Variants in MMS22L observed in about 807,000 individuals in gnomAD.
MMS22L encodes the protein MMS22 like, DNA repair protein.
MMS22L carries 74 observed loss-of-function variants against 159.1 expected under a neutral mutation model. The observed-to-expected ratio is 0.47, with a 90% CI of 0.39 to 0.56. MMS22L has a LOEUF of 0.56. MMS22L is among the 20% of genes least tolerant of loss of function. The probability of loss-of-function intolerance (pLI) is 0.00; values close to 1 mark genes in which losing one functional copy is unlikely to be tolerated. For synonymous variants in MMS22L, 517 were observed against 506.9 expected (o/e 1.02, Z -0.27); for missense variants, 1,351 against 1,422.1 (o/e 0.95, Z 0.80).
intron 10 of MMS22L, among the ~76,000 whole-genome samples, 165 bp from the exon 11 acceptor site, chr6:97,246,855 T>C (rs1812700157): frequency 6.6e-6 from 1 of 152,158 alleles, no homozygotes; most frequent in Non-Finnish European, 1.5e-5. Context: ...TTAACAAACT[T>C]GGCAGAAAAA....
intron 22 of MMS22L, among the ~76,000 whole-genome samples, chr6:97,155,846 C>T (rs966516689): frequency 6.6e-6 from 1 of 152,058 alleles, no homozygotes; most frequent in Non-Finnish European, 1.5e-5. Context: ...TGGGTATATA[C>T]CCAGTAATGA....
intron 14 of MMS22L, among the ~76,000 whole-genome samples, chr6:97,223,468 C>T (rs1028720132): frequency 5.9e-5 from 9 of 151,988 alleles, no homozygotes; most frequent in Non-Finnish European, 1.2e-4. Context: ...AAGGGGGCGG[C>T]GAGCTTATGC....
chr6:97,213,650 A>G (rs1808642210), intron 14 of MMS22L, among the ~76,000 whole-genome samples: 1 of 152,168 alleles, frequency 6.6e-6, no homozygotes, highest in Admixed American at 6.5e-5. Flanking sequence ...ATTCTTTGCA[A>G]GATACATAAA....
Position 97,227,586 on chromosome 6 carries a change from CATAGA to C in MMS22L, c.2039+1303_2039+1307del, listed in dbSNP as rs886834494. ...TATAAAACCCGCCATGAAAACACGG[CATAGA>C]ATAGAGAAAATCAAGCTAGTAATAG... On this transcript the variant is annotated intron_variant, in intron 14 of 24. Transcript: ENST00000683635. Among the ~76,000 whole-genome samples the C allele has an allele frequency of 1.6e-4, 25 of 152,196 alleles. No individual in the cohort carries two copies. The Middle Eastern group carries it at 0.024, about 145-fold the overall frequency.
Position 97,249,615 on chromosome 6 carries a change from A to C in MMS22L, c.1120-2925T>G, listed in dbSNP as rs187743810. 2.0e-5 allele frequency among the ~76,000 whole-genome samples: 3 copies of C among 152,278 alleles called. No individual in the cohort carries two copies. In the East Asian group the frequency reaches 5.8e-4, roughly 29 times the overall value. On this transcript the variant is annotated intron_variant, in intron 10 of 24. Transcript: ENST00000683635. ...ATTTCCCCATTTCACAGAAAACATA[A>C]TTAAGTCTCAGAAAGGTCATGTATG...
At chr6:97,189,338 T>C (rs1052717381) in intron 14 of MMS22L, among the ~76,000 whole-genome samples, 2 of 150,662 alleles carry the variant, frequency 1.3e-5, no homozygotes, top group Admixed American at 6.6e-5. Context: ...GGTGGGTGGA[T>C]TGCCTGAGCT....
At chr6:97,206,855 G>C (rs566022210) in intron 14 of MMS22L, among the ~76,000 whole-genome samples, 2 of 152,154 alleles carry the variant, frequency 1.3e-5, no homozygotes, top group South Asian at 4.1e-4. Flanking sequence ...TAGAATAACA[G>C]TTATCTAAAA....
chr6:97,275,980 G>A (rs114243091), intron 4 of MMS22L, among the ~76,000 whole-genome samples: 2,674 of 152,212 alleles, frequency 0.018, 84 homozygotes, highest in African/African-American at 0.061. Flanking sequence ...CTCCAGCCTG[G>A]GCGATGGAGT....
At chr6:97,195,139 G>A (rs927705406) in intron 14 of MMS22L, among the ~76,000 whole-genome samples, 5 of 152,124 alleles carry the variant, frequency 3.3e-5, no homozygotes, top group African/African-American at 1.2e-4. Flanking sequence ...TTTGAGCAAA[G>A]AACTAAATAA....
chr6:97,156,927 T>C (rs773960531), intron 22 of MMS22L, among the ~76,000 whole-genome samples: 2 of 152,178 alleles, frequency 1.3e-5, no homozygotes, highest in Non-Finnish European at 2.9e-5. Context: ...ATTTTCACGA[T>C]ATTGATTCCT....
In MMS22L at chr6:97,233,114, G is replaced by A. The variant is rs74355845; in HGVS notation, c.1302+747C>T. On this transcript the variant is annotated intron_variant, in intron 12 of 24. Transcript: ENST00000683635. ...AAACACATACCTAAGTCACATCCTCGCTATTTAGTGTCTCCTGAATAAACC... is the reference window on the plus strand; with the variant it reads ...AAACACATACCTAAGTCACATCCTCACTATTTAGTGTCTCCTGAATAAACC... Among the ~76,000 whole-genome samples the A allele has an allele frequency of 7.1e-3, 1,055 of 149,600 alleles. 28 individuals are homozygous for A. In the East Asian group the frequency reaches 0.079, roughly 11 times the overall value.
intron 14 of MMS22L, among the ~76,000 whole-genome samples, chr6:97,195,104 G>A (rs1322198867): frequency 1.3e-5 from 2 of 152,144 alleles, no homozygotes; most frequent in Admixed American, 1.3e-4. Context: ...ACAATGATCA[G>A]GAAACATCTT....
chr6:97,227,178 A>G (rs905803195), intron 14 of MMS22L, among the ~76,000 whole-genome samples: 27 of 22,266 alleles, frequency 1.2e-3, no homozygotes, highest in African/African-American at 2.4e-3. Flanking sequence ...CCTATGAGGA[A>G]AAAAAAAACT....
chr6:97,233,445 A>G (rs1811074899), intron 12 of MMS22L, among the ~76,000 whole-genome samples: 1 of 152,112 alleles, frequency 6.6e-6, no homozygotes, highest in South Asian at 2.1e-4. Context: ...CTGGAGTTCC[A>G]CAATTATAAC....
chr6:97,150,095 T>TG, intron 23 of MMS22L, 75 bp from the exon 24 acceptor site: 1 of 1,141,558 alleles, frequency 8.8e-7, no homozygotes, highest in Non-Finnish European at 1.3e-6. Flanking sequence ...GGCAATCAAC[T>TG]ATGAACTGAA....
chr6:97,210,423 C>A (rs1471979448), intron 14 of MMS22L, among the ~76,000 whole-genome samples: 1 of 151,646 alleles, frequency 6.6e-6, no homozygotes, highest in East Asian at 1.9e-4. Flanking sequence ...AAAATAAATG[C>A]CATAAAAAAC....
chr6:97,156,925 G>A (rs889629764), intron 22 of MMS22L, among the ~76,000 whole-genome samples: 36 of 152,192 alleles, frequency 2.4e-4, no homozygotes, highest in African/African-American at 7.9e-4. Context: ...CCATTTTCAC[G>A]ATATTGATTC....
intron 14 of MMS22L, among the ~76,000 whole-genome samples, chr6:97,194,503 T>C (rs1191240383): frequency 3.3e-5 from 5 of 152,186 alleles, no homozygotes; most frequent in Non-Finnish European, 7.3e-5. Context: ...ACACTTAGAA[T>C]AGATCTGGCA....
chr6:97,184,062 C>T (rs1303794036), intron 15 of MMS22L, among the ~76,000 whole-genome samples: 1 of 152,120 alleles, frequency 6.6e-6, no homozygotes, highest in East Asian at 1.9e-4. Context: ...TTTGCCTCTC[C>T]ACTACATACA....
Sources: gnomAD v4.1 joint callset for allele counts (sites outside exome capture counted in the v4.1 genomes callset) on GRCh38, gnomAD v4.1.1 for gene constraint, MANE v1.5 for transcripts, NCBI Gene and HGNC (gene_info 2026-07-23, HGNC 2026-07-21) for gene names.